Variants in LRFN5 observed in about 807,000 individuals in gnomAD.
The protein encoded by LRFN5 is leucine-rich repeat and fibronectin type-III domain-containing protein 5.
LRFN5 carries 24 observed loss-of-function variants against 45.6 expected under a neutral mutation model. The observed-to-expected ratio is 0.53, with a 90% CI of 0.38 to 0.74. LRFN5 has a LOEUF of 0.74. Among genes scored for constraint, LRFN5 ranks in the 30% least tolerant of loss-of-function variants. The pLI is 0.00. For synonymous variants in LRFN5, 340 were observed against 313.8 expected, an observed-to-expected ratio of 1.08 and a Z score of -0.88; for missense variants, 776 against 861.5, an observed-to-expected ratio of 0.90 and a Z score of 1.24.
chr14:41,714,085 G>A (rs1883390137), intron 1 of LRFN5, among the ~76,000 whole-genome samples: 1 of 151,828 alleles, frequency 6.6e-6, no homozygotes, highest in South Asian at 2.1e-4. Context: ...AAGAGAAATG[G>A]CATTATGTGT....
intron 1 of LRFN5, among the ~76,000 whole-genome samples, chr14:41,667,180 GAGA>G (rs1880940855): frequency 6.6e-6 from 1 of 152,128 alleles, no homozygotes; most frequent in African/African-American, 2.4e-5. Flanking sequence ...TGTTAGTTTA[GAGA>G]AGAATGTTTA....
At chr14:41,899,004 G>T (rs1028220427) in intron 5 of LRFN5, 44 bp downstream of exon 5, 1 of 1,435,284 alleles carries the variant, frequency 7.0e-7, no homozygotes, top group Non-Finnish European at 9.5e-7. Flanking sequence ...ACTTAAATGG[G>T]TATACACTTT....
intron 2 of LRFN5, among the ~76,000 whole-genome samples, chr14:41,830,426 C>T (rs1367461507): frequency 1.3e-5 from 2 of 152,068 alleles, no homozygotes; most frequent in African/African-American, 4.8e-5. Flanking sequence ...ATTAATGTTT[C>T]CCATCAGCTT....
intron 1 of LRFN5, among the ~76,000 whole-genome samples, chr14:41,613,968 G>A (rs1408320573): frequency 6.6e-6 from 1 of 151,926 alleles, no homozygotes; most frequent in Non-Finnish European, 1.5e-5. Flanking sequence ...GATTTTAGTG[G>A]TATTACCTCC....
chr14:41,629,969 CAT>C (rs1478292238), intron 1 of LRFN5, among the ~76,000 whole-genome samples: 1 of 152,060 alleles, frequency 6.6e-6, no homozygotes, highest in Non-Finnish European at 1.5e-5. Context: ...CTTCTATTTA[CAT>C]ATGAGACAGT....
chr14:41,857,031 T>G (rs982407873), intron 2 of LRFN5, among the ~76,000 whole-genome samples: 8 of 152,146 alleles, frequency 5.3e-5, no homozygotes, highest in Non-Finnish European at 8.8e-5. Flanking sequence ...AAGAACCTTT[T>G]AAGTGTTGTT....
intron 1 of LRFN5, among the ~76,000 whole-genome samples, chr14:41,674,000 C>T (rs573502958): frequency 5.2e-3 from 751 of 144,556 alleles, no homozygotes; most frequent in East Asian, 9.8e-3. Context: ...AGACGCTGCT[C>T]ACTTCCCAGA....
At chr14:41,844,820 CT>C (rs1213013032) in intron 2 of LRFN5, among the ~76,000 whole-genome samples, 1 of 151,974 alleles carries the variant, frequency 6.6e-6, no homozygotes, top group Non-Finnish European at 1.5e-5. Flanking sequence ...TACATATAGT[CT>C]TTTTTTGTAT....
Position 41,871,764 on chromosome 14 carries a change from C to T in LRFN5, c.-20-14842C>T, listed in dbSNP as rs537655713. Among the ~76,000 whole-genome samples, 11 of 152,144 alleles carry T rather than the reference C, an allele frequency of 7.2e-5. No individual in the cohort carries two copies. In the South Asian group the frequency reaches 1.9e-3, roughly 26 times the overall value. ...ACCCTGATTTAAACCAGAAAGTTACCTTCAAAAATAGATTACCCTAATTAA... is the reference window on the plus strand; with the variant it reads ...ACCCTGATTTAAACCAGAAAGTTACTTTCAAAAATAGATTACCCTAATTAA... On this transcript the variant is annotated intron_variant, in intron 2 of 5. Coordinates refer to ENST00000298119, the MANE Select transcript of LRFN5 (RefSeq NM_152447.5).
At chr14:41,623,093 C>CA (rs1888191175) in intron 1 of LRFN5, among the ~76,000 whole-genome samples, 1 of 152,148 alleles carries the variant, frequency 6.6e-6, no homozygotes, top group African/African-American at 2.4e-5. Flanking sequence ...AGTATAATGT[C>CA]AGCTCTGCTA....
At chr14:41,772,681 C>T (rs1020194743) in intron 2 of LRFN5, among the ~76,000 whole-genome samples, 3 of 152,118 alleles carry the variant, frequency 2.0e-5, no homozygotes, top group Non-Finnish European at 2.9e-5. Context: ...TACCTACATG[C>T]CTTAAATTTA....
chr14:41,646,463 C>T (rs853239), intron 1 of LRFN5, among the ~76,000 whole-genome samples: 110,562 of 151,952 alleles, frequency 0.73, 40,281 homozygotes, highest in East Asian at 0.79. Flanking sequence ...GAAGTAGAAA[C>T]GGCACTCCCC....
chr14:41,841,040 A>C (rs1243712281), intron 2 of LRFN5, among the ~76,000 whole-genome samples: 1 of 151,950 alleles, frequency 6.6e-6, no homozygotes, highest in African/African-American at 2.4e-5. Flanking sequence ...CCAAACCCAC[A>C]ATCAACAATA....
chr14:41,778,152 A>C (rs116362391), intron 2 of LRFN5, among the ~76,000 whole-genome samples: 1,798 of 151,840 alleles, frequency 0.012, 35 homozygotes, highest in African/African-American at 0.042. Flanking sequence ...ATATTTAAAT[A>C]TGAAATATTT....
In LRFN5 at chr14:41,655,914, A is replaced by G. The variant is rs183120041; in HGVS notation, c.-197+47352A>G. On this transcript the variant is annotated intron_variant, in intron 1 of 5. Coordinates refer to ENST00000298119, the MANE Select transcript of LRFN5 (RefSeq NM_152447.5). ...AAGCATATTAAATTATGCCTAGCAC[A>G]TAAGTGCTCAATAAATATTAGCATT... 4.9e-4 allele frequency among the ~76,000 whole-genome samples: 74 copies of G among 152,170 alleles called. No homozygotes were observed. The East Asian group carries it at 0.011, about 23-fold the overall frequency.
chr14:41,898,785 TA>T, intron 4 of LRFN5, 131 bp from the exon 5 acceptor site: 5 of 845,166 alleles, frequency 5.9e-6, no homozygotes, highest in Non-Finnish European at 9.1e-6. Flanking sequence ...GTAAGTTTTT[TA>T]AAAAAAATCT....
chr14:41,717,946 T>C (rs1325837241), intron 1 of LRFN5, among the ~76,000 whole-genome samples: 4 of 152,168 alleles, frequency 2.6e-5, no homozygotes, highest in Admixed American at 2.0e-4. Flanking sequence ...CTCTTCACTA[T>C]GGAATATAAG....
At chr14:41,637,670 G>A (rs960321189) in intron 1 of LRFN5, among the ~76,000 whole-genome samples, 1 of 152,054 alleles carries the variant, frequency 6.6e-6, no homozygotes. Context: ...CACCTTATTT[G>A]GAGGTCATTA....
At chr14:41,683,668 A>T (rs534878728) in intron 1 of LRFN5, among the ~76,000 whole-genome samples, 1 of 152,322 alleles carries the variant, frequency 6.6e-6, no homozygotes. Flanking sequence ...CAATCTGAAA[A>T]AAAAATCACC....
Sources: gnomAD v4.1 joint callset for allele counts (sites outside exome capture counted in the v4.1 genomes callset) on GRCh38, gnomAD v4.1.1 for gene constraint, MANE v1.5 for transcripts, NCBI Gene and HGNC (gene_info 2026-07-23, HGNC 2026-07-21) for gene names.